Variants in KIAA1217 observed in about 807,000 individuals in gnomAD.
The protein encoded by KIAA1217 is KIAA1217, also known as sickle tail protein homolog.
In KIAA1217, 88 loss-of-function variants were observed where a neutral mutation model predicts 163.9. The ratio of observed to expected loss-of-function variants is 0.54; its 90% CI spans 0.45 to 0.64. KIAA1217 has a LOEUF of 0.64. Ranked by LOEUF, KIAA1217 falls within the 30% of genes least tolerant of loss-of-function variation. The pLI, the probability that KIAA1217 is intolerant of heterozygous loss-of-function variation, is 0.00. For missense variants in KIAA1217, 2,372 were observed against 2,475.0 expected, an observed-to-expected ratio of 0.96 and a Z score of 0.88; for synonymous variants, 903 against 923.1, an observed-to-expected ratio of 0.98 and a Z score of 0.39.
At chr10:24,031,174 A>G (rs1459159425) in intron 2 of KIAA1217, among the ~76,000 whole-genome samples, 1 of 152,154 alleles carries the variant, frequency 6.6e-6, no homozygotes, top group African/African-American at 2.4e-5. Context: ...ACTTTTTCAC[A>G]TTCCCACCAA....
chr10:24,220,292 C>T (rs917585392), intron 2 of KIAA1217, among the ~76,000 whole-genome samples: 21 of 152,254 alleles, frequency 1.4e-4, no homozygotes, highest in South Asian at 4.1e-4. Flanking sequence ...CCTGAAAGCA[C>T]GGAGTGCTTA....
chr10:24,370,500 C>A (rs2134477174), intron 2 of KIAA1217, among the ~76,000 whole-genome samples: 1 of 152,206 alleles, frequency 6.6e-6, no homozygotes, highest in Non-Finnish European at 1.5e-5. Flanking sequence ...GTGAAAGAAA[C>A]ATTGTTCGTG....
intron 1 of KIAA1217, among the ~76,000 whole-genome samples, chr10:23,884,833 C>A (rs2131198901): frequency 6.6e-6 from 1 of 152,044 alleles, no homozygotes; most frequent in East Asian, 2.0e-4. Flanking sequence ...GTTTCCTGTT[C>A]TTGGGAACAG....
intron 2 of KIAA1217, among the ~76,000 whole-genome samples, chr10:24,117,199 G>A (rs776165543): frequency 3.3e-5 from 5 of 151,974 alleles, no homozygotes; most frequent in South Asian, 4.2e-4. Flanking sequence ...CACCATGCCC[G>A]GCTAATTTTG....
chr10:24,019,347 T>C (rs1444119266), intron 2 of KIAA1217, among the ~76,000 whole-genome samples: 1 of 151,730 alleles, frequency 6.6e-6, no homozygotes, highest in African/African-American at 2.4e-5. Context: ...AACAAATAAA[T>C]GATGAGACCT....
At chr10:24,190,426 A>G (rs1374088095) in intron 2 of KIAA1217, among the ~76,000 whole-genome samples, 3 of 152,228 alleles carry the variant, frequency 2.0e-5, no homozygotes, top group African/African-American at 7.2e-5. Flanking sequence ...AACTTCCCCA[A>G]ACAGCTTATT....
intron 1 of KIAA1217, among the ~76,000 whole-genome samples, chr10:23,760,209 G>A (rs1473022228): frequency 6.6e-6 from 1 of 152,216 alleles, no homozygotes; most frequent in Non-Finnish European, 1.5e-5. Context: ...CTTGCTAAGA[G>A]CTCTGTTTGC....
chr10:23,801,317 G>T (rs1836455798), intron 1 of KIAA1217, among the ~76,000 whole-genome samples: 1 of 152,170 alleles, frequency 6.6e-6, no homozygotes, highest in Admixed American at 6.5e-5. Flanking sequence ...ACACACTGGG[G>T]CCTGTCGTGG....
intron 1 of KIAA1217, among the ~76,000 whole-genome samples, chr10:23,786,848 A>G (rs1418255067): frequency 6.6e-6 from 1 of 152,140 alleles, no homozygotes; most frequent in Non-Finnish European, 1.5e-5. Context: ...GAACTCCTCT[A>G]GTGAAAGTGT....
chr10:24,250,591 C>A (rs1425287833), intron 2 of KIAA1217, among the ~76,000 whole-genome samples: 1 of 126,212 alleles, frequency 7.9e-6, no homozygotes. Context: ...TGCCACCACG[C>A]CTTGCTAATT....
chr10:24,495,045 A>G, intron 7 of KIAA1217, 102 bp from the exon 8 acceptor site: 2 of 949,736 alleles, frequency 2.1e-6, no homozygotes, highest in Non-Finnish European at 3.2e-6. Context: ...GCTTAATCCC[A>G]TCACTGCCAA....
chr10:23,881,018 G>C (rs1362006447), intron 1 of KIAA1217, among the ~76,000 whole-genome samples: 1 of 151,786 alleles, frequency 6.6e-6, no homozygotes, highest in Admixed American at 6.6e-5. Flanking sequence ...TGATTATAAT[G>C]ATGAACCCTG....
chr10:23,783,745 T>C (rs188018832), intron 1 of KIAA1217, among the ~76,000 whole-genome samples: 70 of 152,274 alleles, frequency 4.6e-4, no homozygotes, highest in African/African-American at 1.6e-3. Context: ...CTTTCTGTGC[T>C]ATTGATTTGT....
intron 2 of KIAA1217, among the ~76,000 whole-genome samples, chr10:24,186,838 C>T (rs926710577): frequency 2.0e-5 from 3 of 152,038 alleles, no homozygotes; most frequent in African/African-American, 4.8e-5. Flanking sequence ...TGCAGTGGGC[C>T]AAGACGGTGG....
intron 13 of KIAA1217, 132 bp downstream of exon 13, chr10:24,524,896 T>A (rs1166232474): frequency 2.6e-5 from 21 of 820,272 alleles, no homozygotes; most frequent in Non-Finnish European, 5.6e-6. Flanking sequence ...GAAGTGGAAG[T>A]GGGATTCAGT....
intron 3 of KIAA1217, among the ~76,000 whole-genome samples, chr10:24,426,841 G>A (rs1451111240): frequency 6.6e-6 from 1 of 152,168 alleles, no homozygotes; most frequent in African/African-American, 2.4e-5. Flanking sequence ...GTCCCACTGC[G>A]GTGCCCTAGC....
At chr10:24,462,382 G>A (rs552320809) in intron 5 of KIAA1217, among the ~76,000 whole-genome samples, 2 of 152,170 alleles carry the variant, frequency 1.3e-5, no homozygotes, top group Non-Finnish European at 2.9e-5. Context: ...ACTTGTTCAT[G>A]TTTCACACCA....
At chr10:24,359,039 T>C (rs2049518573) in intron 2 of KIAA1217, among the ~76,000 whole-genome samples, 1 of 130,796 alleles carries the variant, frequency 7.6e-6, no homozygotes, top group Admixed American at 7.3e-5. Flanking sequence ...TTCATTCTAA[T>C]ACTTTCTTTC....
At chr10:24,102,671 T>C (rs1252218168) in intron 2 of KIAA1217, among the ~76,000 whole-genome samples, 1 of 152,188 alleles carries the variant, frequency 6.6e-6, no homozygotes, top group Non-Finnish European at 1.5e-5. Context: ...CAAGATAATG[T>C]GGTATTAGTG....
Sources: allele counts gnomAD v4.1 joint callset (sites outside exome capture counted in the v4.1 genomes callset), GRCh38; gene constraint gnomAD v4.1.1; transcripts MANE v1.5; gene names NCBI Gene and HGNC (gene_info 2026-07-23, HGNC 2026-07-21).